SLC22A6: variants seen among roughly 807,000 people sequenced by gnomAD.
The protein encoded by SLC22A6 is solute carrier family 22 member 6.
A neutral mutation model predicts 56.7 loss-of-function variants in SLC22A6; 45 were observed. The ratio of observed to expected loss-of-function variants is 0.79; its 90% CI spans 0.63 to 1.02. SLC22A6 has a LOEUF of 1.02. Among genes scored for constraint, SLC22A6 ranks in the 50% least tolerant of loss-of-function variants. The probability of loss-of-function intolerance (pLI) is 0.00; values close to 1 mark genes in which losing one functional copy is unlikely to be tolerated. For missense variants in SLC22A6, 606 were observed against 713.8 expected (o/e 0.85, Z 1.72); for synonymous variants, 291 against 295.9 (o/e 0.98, Z 0.17).
intron 6 of SLC22A6, 82 bp from the exon 7 acceptor site, chr11:62,980,030 A>G: frequency 1.1e-6 from 1 of 931,948 alleles, no homozygotes; most frequent in South Asian, 1.4e-5. Context: ...GGGGAACTGC[A>G]TTGGGTACCC....
In SLC22A6 at chr11:62,976,730, G is replaced by A; in HGVS notation, c.*64C>T. The A allele has an allele frequency of 2.2e-6, 3 of 1,355,188 alleles. No individual in the cohort carries two copies. The highest frequency in any genetic ancestry group is 2.1e-5 in the Admixed American group (1 of 46,762). The allele number at this position is 1,355,188 out of a possible 1,614,324, so 83.9% of individuals were successfully genotyped here. On this transcript the variant is annotated 3_prime_UTR_variant, in exon 10 of 10. Transcript: ENST00000360421. ...CATTTCCTCTTCCTCCTCCTTGTGT[G>A]GGTGGCCGGAGACCTGTAGGACCTT...
Position 62,984,579 on chromosome 11 carries a change from G to T in SLC22A6, c.112C>A (p.Gln38Lys). Residue 38 changes from glutamine to lysine, a missense_variant, in exon 1 of 10, where the codon CAG becomes AAG. Transcript: ENST00000360421. ...LLLMASHNTL[Q>K]NFTAAIPTHH... ...GTAGGGATGGCAGCAGTGAAGTTCT[G>T]CAGGGTGTTGTGAGAAGCCATCAGG... 1 of 1,613,572 alleles carries T rather than the reference G, an allele frequency of 6.2e-7. No individual in the cohort carries two copies.
Position 62,977,204 on chromosome 11 carries a change from C to T in SLC22A6, c.1545G>A (p.Thr515=), listed in dbSNP as rs369693725. The T allele has an allele frequency of 1.0e-4, 163 of 1,614,228 alleles. 1 individual carries two copies. The highest frequency in any genetic ancestry group is 3.3e-4 in the Middle Eastern group (2 of 6,062). The change falls in exon 9 of 10, where the codon ACG becomes ACA. Residue 515 remains threonine (T), a synonymous_variant. Transcript: ENST00000360421. ...PETLGQPLPD[T]VQDLESRKGK... is the part of the protein sequence containing the mutation. ...CCCACCTGCTCTCCAGGTCCTGCAC[C>T]GTGTCTGGCAGTGGCTGGCCCAGGG... is the stretch of plus-strand genomic sequence containing the variant.
chr11:62,981,652 T>C (rs2086256950), intron 4 of SLC22A6, among the ~76,000 whole-genome samples, 190 bp downstream of exon 4: 1 of 151,838 alleles, frequency 6.6e-6, no homozygotes, highest in Non-Finnish European at 1.5e-5. Flanking sequence ...AGCCAGAGAA[T>C]TGGATATCCT....
chr11:62,980,059 C>T (rs1012909074), intron 6 of SLC22A6, 111 bp from the exon 7 acceptor site: 2 of 709,690 alleles, frequency 2.8e-6, no homozygotes, highest in South Asian at 3.4e-5. Context: ...GAGCTGGAAT[C>T]TGCCTTGGCT....
chr11:62,980,795 G>T (rs905352134), intron 6 of SLC22A6, among the ~76,000 whole-genome samples, 190 bp downstream of exon 6: 4 of 152,250 alleles, frequency 2.6e-5, no homozygotes, highest in Non-Finnish European at 5.9e-5. Flanking sequence ...CTGGTGTCCC[G>T]TGTGGAGACT....
In SLC22A6 at chr11:62,979,541, G is replaced by C. The variant is rs1409384186; in HGVS notation, c.1308C>G (p.Ala436=). 2.5e-6 allele frequency: 4 copies of C among 1,614,058 alleles called. No homozygotes were observed. Among genetic ancestry groups the C allele is most frequent in the Non-Finnish European group, 3.4e-6 (4 of 1,179,998 alleles). The change falls in exon 8 of 10, where the codon GCC becomes GCG. Residue 436 remains alanine (A), a synonymous_variant. Coordinates refer to ENST00000360421, the MANE Select transcript of SLC22A6 (RefSeq NM_153276.3). ...TATACAGGAAGATGCAGTTGAAGGAGGCAGCCAGACAACCCTTCCCCAGCA... is the reference window on the plus strand; with the variant it reads ...TATACAGGAAGATGCAGTTGAAGGACGCAGCCAGACAACCCTTCCCCAGCA... ...LAVLGKGCLA[A]SFNCIFLYTG...
At chr11:62,977,053 C>T (rs908886888) in intron 9 of SLC22A6, 131 bp downstream of exon 9, 2 of 1,567,834 alleles carry the variant, frequency 1.3e-6, no homozygotes, top group African/African-American at 1.4e-5. Context: ...AGGAGAAGCT[C>T]AGGCAATTGG....
At position 62,983,047 on chromosome 11, in the gene SLC22A6, C is replaced by CTTT. The variant is rs1225439766; in HGVS notation, c.628+487_628+489dup. Among the ~76,000 whole-genome samples the CTTT allele has an allele frequency of 7.1e-6, 1 of 141,160 alleles. No individual in the cohort carries two copies. The highest frequency in any genetic ancestry group is 1.6e-5 in the Non-Finnish European group (1 of 64,402). The allele number at this position is 141,160 out of a possible 152,430, so 92.6% of individuals were successfully genotyped here. On this transcript the variant is annotated intron_variant, in intron 3 of 9. Transcript: ENST00000360421. This position sits in a 1 kb window ranked among gnomAD's most constrained non-coding sequence, Gnocchi z 4.5. ...TCTAACAATGGAGTTTGCAATCCTG[C>CTTT]TTTTTTTTTTTTTTTGAGACAGAGT... is the stretch of plus-strand genomic sequence containing the variant.
chr11:62,979,847 G>A lies in SLC22A6; in HGVS notation c.1139C>T (p.Pro380Leu). ...GACAAGGAAGCCCACAAGCTTGGCA[G>A]GCAGGTCCACAGCACCAAAGATCAC... Reference protein sequence around the residue: ...IQVIFGAVDLPAKLVGFLVIN... With the variant: ...IQVIFGAVDLLAKLVGFLVIN... Residue 380 changes from proline to leucine, a missense_variant, in exon 7 of 10, where the codon CCT becomes CTT. Pro to Leu is a moderately conservative substitution (Grantham distance 98). Transcript: ENST00000360421. 1 of 1,614,206 alleles carries A rather than the reference G, an allele frequency of 6.2e-7. No homozygotes were observed. The highest frequency in any genetic ancestry group is 8.5e-7 in the Non-Finnish European group (1 of 1,180,022).
At position 62,983,629 on chromosome 11, in the gene SLC22A6, G is replaced by A. The variant is rs1249739291; in HGVS notation, c.536C>T (p.Ala179Val). Residue 179 changes from alanine to valine, a missense_variant, in exon 3 of 10, where the codon GCA becomes GTA. Transcript: ENST00000360421. This position sits in a 1 kb window ranked among gnomAD's most constrained non-coding sequence, Gnocchi z 4.5. ...GATGGGGAAGTTGGGTGCGAAGGCT[G>A]CGCAGGTCCCTGACACAGCTGTCTG... ...YLQTAVSGTC[A>V]AFAPNFPIYC... 1.9e-6 allele frequency: 3 copies of A among 1,610,794 alleles called. No homozygotes were observed. In the African/African-American group the frequency reaches 4.0e-5, roughly 22 times the overall value.
In SLC22A6 at chr11:62,983,307, G is replaced by T. The variant is rs1295099707; in HGVS notation, c.628+230C>A. ...GATCTGCCCGCCTCGGCCTCCGAAA[G>T]TGCTGGGATTACAGGTGTGAGCCAC... On this transcript the variant is annotated intron_variant, in intron 3 of 9. Transcript: ENST00000360421. The surrounding 1 kb of genome is among the most constrained non-coding windows in gnomAD (Gnocchi z 4.5). 6.6e-6 allele frequency among the ~76,000 whole-genome samples: 1 copy of T among 152,222 alleles called. No individual in the cohort carries two copies. The highest frequency in any genetic ancestry group is 1.5e-5 in the Non-Finnish European group (1 of 68,046).
intron 6 of SLC22A6, 65 bp downstream of exon 6, chr11:62,980,920 C>A: frequency 1.5e-6 from 2 of 1,369,436 alleles, no homozygotes; most frequent in Non-Finnish European, 2.0e-6. Flanking sequence ...GCCTCTTTCA[C>A]CCATTGTGTC....
rs1023667224 is a variant in SLC22A6 at position 62,984,539 on chromosome 11, G to A, written c.152C>T (p.Pro51Leu). 6.2e-6 allele frequency: 10 copies of A among 1,613,620 alleles called. No individual in the cohort carries two copies. The highest frequency in any genetic ancestry group is 2.2e-5 in the South Asian group (2 of 91,084). ...CTTGCTGAGGTTGGCATCGGCAGGC[G>A]GGCGGCAGTGGTGGGTAGGGATGGC... ...TAAIPTHHCR[P>L]PADANLSKNG... Residue 51 changes from proline to leucine, a missense_variant, in exon 1 of 10, where the codon CCG becomes CTG. Physicochemically the swap from Pro to Leu is moderately conservative, Grantham distance 98. Coordinates refer to ENST00000360421, the MANE Select transcript of SLC22A6 (RefSeq NM_153276.3).
rs11568621 is a variant in SLC22A6 at position 62,982,118 on chromosome 11, G to T, written c.629-108C>A. 5.6e-6 allele frequency: 6 copies of T among 1,074,154 alleles called. No homozygotes were observed. The African/African-American group carries it at 6.4e-5, about 11-fold the overall frequency. The allele number at this position is 1,074,154 out of a possible 1,614,324, so 66.5% of individuals were successfully genotyped here. ...CCTGTCCCAAGGCTCAGTGGAAAATGCATCGAGTAAGTTGAGTGCCAGGGT... is the reference window on the plus strand; with the variant it reads ...CCTGTCCCAAGGCTCAGTGGAAAATTCATCGAGTAAGTTGAGTGCCAGGGT... On this transcript the variant is annotated intron_variant, in intron 3 of 9. Transcript: ENST00000360421.
rs1480763475 is a variant in SLC22A6 at position 62,979,708 on chromosome 11, G to A, written c.1252+26C>T. The A allele has an allele frequency of 3.7e-6, 6 of 1,610,518 alleles. No homozygotes were observed. The African/African-American group carries it at 8.0e-5, about 22-fold the overall frequency. ...GTGTGGGGATGGGGCTGAGGAGAAGGGGCCAAGGTGCTCGTGGGTGCTCAC... is the reference window on the plus strand; with the variant it reads ...GTGTGGGGATGGGGCTGAGGAGAAGAGGCCAAGGTGCTCGTGGGTGCTCAC... On this transcript the variant is annotated intron_variant, in intron 7 of 9. Coordinates refer to ENST00000360421, the MANE Select transcript of SLC22A6 (RefSeq NM_153276.3).
chr11:62,977,033 G>A, intron 9 of SLC22A6, 151 bp downstream of exon 9: 2 of 1,540,096 alleles, frequency 1.3e-6, no homozygotes, highest in Non-Finnish European at 8.9e-7. Flanking sequence ...GGATCCCCAG[G>A]AAGGATTCTA....
At chr11:62,978,098 A>G (rs975323208) in intron 8 of SLC22A6, among the ~76,000 whole-genome samples, 2 of 152,192 alleles carry the variant, frequency 1.3e-5, no homozygotes, top group Admixed American at 6.6e-5. Context: ...TGTTATGCAG[A>G]TTAAATGAAT....
At chr11:62,979,437 A>AT (rs764991039) in intron 8 of SLC22A6, 51 bp downstream of exon 8, 2 of 1,231,956 alleles carry the variant, frequency 1.6e-6, no homozygotes, top group Non-Finnish European at 2.4e-6. Flanking sequence ...GCACAGAAGA[A>AT]TGTCTTTCCC....
Sources: allele counts gnomAD v4.1 joint callset (sites outside exome capture counted in the v4.1 genomes callset), GRCh38; gene constraint gnomAD v4.1.1; non-coding constraint Gnocchi (gnomAD v3.1); transcripts MANE v1.5; gene names NCBI Gene and HGNC (gene_info 2026-07-23, HGNC 2026-07-21).